ACOT9: variants seen among roughly 807,000 people sequenced by gnomAD.
The protein encoded by ACOT9 is acyl-coenzyme A thioesterase 9, mitochondrial.
In ACOT9, 34 loss-of-function variants were observed where a neutral mutation model predicts 39.7. The ratio of observed to expected loss-of-function variants is 0.86; its 90% CI spans 0.65 to 1.14. The LOEUF is 1.14. Ranked by LOEUF, ACOT9 falls within the 50% of genes most tolerant of loss-of-function variation. The probability of loss-of-function intolerance (pLI) is 0.00; values close to 1 mark genes in which losing one functional copy is unlikely to be tolerated. For synonymous variants in ACOT9, 110 were observed against 120.5 expected, an observed-to-expected ratio of 0.91 and a Z score of 0.57; for missense variants, 313 against 344.1, an observed-to-expected ratio of 0.91 and a Z score of 0.71.
chrX:23,722,021 C>T, intron 7 of ACOT9, 37 bp from the exon 8 acceptor site: 1 of 997,760 alleles, frequency 1.0e-6, no homozygotes. Context: ...CAAGTCATAC[C>T]AAAAATTTTC....
intron 8 of ACOT9, among the ~76,000 whole-genome samples, chrX:23,715,598 G>A (rs2146826576): frequency 9.0e-6 from 1 of 111,490 alleles, no homozygotes; most frequent in Non-Finnish European, 1.9e-5. Context: ...CAATGCAGGG[G>A]ATAGACCTGC....
Position 23,707,918 on chromosome X carries a change from G to A in ACOT9, c.689C>T (p.Pro230Leu). 2 of 1,203,876 alleles carry A rather than the reference G, an allele frequency of 1.7e-6. No individual in the cohort carries two copies. The highest frequency in any genetic ancestry group is 1.1e-6 in the Non-Finnish European group (1 of 891,469). Reference protein sequence around the residue: ...KGPAFVNPLIPESPEEEELFR... With the variant: ...KGPAFVNPLILESPEEEELFR... ...GAGCTCCTCTTCCTCTGGGCTTTCA[G>A]GGATGAGTGGATTTACAAATGCCGG... The change falls in exon 10 of 16, where the codon CCT (proline) becomes CTT (leucine). Residue 230 changes from proline (P) to leucine (L), a missense_variant. By Grantham distance (98) the Pro-to-Leu change is moderately conservative (BLOSUM62 -3). Coordinates refer to ENST00000379303, the MANE Select transcript of ACOT9 (RefSeq NM_001037171.2).
At chrX:23,704,550 G>A (rs1374160356) in intron 15 of ACOT9, 144 bp downstream of exon 15, 15 of 706,394 alleles carry the variant, frequency 2.1e-5, no homozygotes, top group Non-Finnish European at 2.9e-5. Flanking sequence ...TTGGCCTTCA[G>A]GGCTGCCAAA....
intron 2 of ACOT9, among the ~76,000 whole-genome samples, chrX:23,735,131 G>A (rs1347622281): frequency 9.6e-6 from 1 of 104,035 alleles, no homozygotes; most frequent in African/African-American, 3.5e-5. Context: ...AAATTAGTTG[G>A]GCGTGGTGGA....
At chrX:23,723,735 G>A (rs1342894045) in intron 6 of ACOT9, among the ~76,000 whole-genome samples, 4 of 110,780 alleles carry the variant, frequency 3.6e-5, no homozygotes, top group African/African-American at 1.3e-4. Context: ...TTGAGTAAGT[G>A]TAAATCCTTC....
At chrX:23,726,157 G>A (rs1241498783) in intron 6 of ACOT9, among the ~76,000 whole-genome samples, 2 of 110,766 alleles carry the variant, frequency 1.8e-5, no homozygotes, top group African/African-American at 3.3e-5. Flanking sequence ...CTGAGATAGC[G>A]CCATTGCACT....
chrX:23,704,024 C>G, intron 15 of ACOT9, 42 bp from the exon 16 acceptor site: 1 of 1,053,747 alleles, frequency 9.5e-7, no homozygotes, highest in Non-Finnish European at 1.3e-6. Context: ...CTTGTAATAC[C>G]GTAGAAAACC....
At chrX:23,741,774 G>A (rs142104117) in intron 1 of ACOT9, among the ~76,000 whole-genome samples, 4,685 of 75,597 alleles carry the variant, frequency 0.062, 95 homozygotes, top group Middle Eastern at 0.083. Flanking sequence ...TTCCGGTTCA[G>A]GCGATTCTCC....
rs1330240709 is a variant in ACOT9, at chrX:23,707,882, C to G, written c.725G>C (p.Gly242Ala). Residue 242 changes from glycine (G) to alanine (A), a missense_variant, in exon 10 of 16, where the codon GGG (glycine) becomes GCG (alanine). Gly to Ala is a moderately conservative substitution (Grantham distance 60, BLOSUM62 0). Transcript: ENST00000379303. ...SPEEEELFRQGELNKGRRIAF... is the reference protein window; with the variant it reads ...SPEEEELFRQAELNKGRRIAF... ...TTATAAACAAATTAATGTACATTCC[C>G]CTTGTCTAAAGAGCTCCTCTTCCTC... 3.4e-6 allele frequency: 4 copies of G among 1,191,014 alleles called. No individual in the cohort carries two copies. Among genetic ancestry groups the G allele is most frequent in the Non-Finnish European group, 4.5e-6 (4 of 883,171 alleles).
intron 4 of ACOT9, among the ~76,000 whole-genome samples, chrX:23,731,886 G>A (rs1384718983): frequency 8.9e-6 from 1 of 112,062 alleles, no homozygotes; most frequent in African/African-American, 3.2e-5. Flanking sequence ...AAAGAGAAAA[G>A]AAAGACAAGG....
chrX:23,701,283 C>G lies in ACOT9; in HGVS notation c.*2611G>C, dbSNP rs1002828390. ...ATGTCATAGGTAGATATGCAAAATG[C>G]TATATTGAAGGGCCAGGTAAATCTC... On this transcript the variant is annotated 3_prime_UTR_variant, in exon 16 of 16. Coordinates refer to ENST00000379303, the MANE Select transcript of ACOT9 (RefSeq NM_001037171.2). 4.5e-5 allele frequency among the ~76,000 whole-genome samples: 5 copies of G among 111,004 alleles called. No individual in the cohort carries two copies. In the Admixed American group the frequency reaches 4.9e-4, roughly 11 times the overall value.
At chrX:23,714,206 T>A (rs1929001913) in intron 8 of ACOT9, among the ~76,000 whole-genome samples, 1 of 111,025 alleles carries the variant, frequency 9.0e-6, no homozygotes, top group Admixed American at 9.7e-5. Flanking sequence ...GGCGTGCCTG[T>A]CCTCCTGATG....
At chrX:23,704,518 C>A in intron 15 of ACOT9, among the ~76,000 whole-genome samples, 176 bp downstream of exon 15, 1 of 110,338 alleles carries the variant, frequency 9.1e-6, no homozygotes, top group Non-Finnish European at 1.9e-5. Context: ...GTTGCTTGCC[C>A]GCCTGGGGGC....
intron 6 of ACOT9, among the ~76,000 whole-genome samples, chrX:23,728,330 A>T (rs759114582): frequency 9.1e-6 from 1 of 110,383 alleles, no homozygotes; most frequent in East Asian, 2.9e-4. Context: ...CACAATGAAG[A>T]GGGTGAGCCT....
rs796728664 is a variant in ACOT9, at chrX:23,733,672, G to A, written c.146-455C>T. 9.9e-5 allele frequency among the ~76,000 whole-genome samples: 11 copies of A among 111,529 alleles called. No homozygotes were observed. In the South Asian group the frequency reaches 1.5e-3, roughly 15 times the overall value. ...CGGCTCACTGCATCCTCCACCTCCC[G>A]GGTTCAGGCGATTCTCCTGCCTCAG... is the stretch of plus-strand genomic sequence containing the variant. On this transcript the variant is annotated intron_variant, in intron 3 of 15. Coordinates refer to ENST00000379303, the MANE Select transcript of ACOT9 (RefSeq NM_001037171.2).
chrX:23,739,609 T>A (rs1344865173), intron 1 of ACOT9, among the ~76,000 whole-genome samples: 1 of 110,982 alleles, frequency 9.0e-6, no homozygotes, highest in Non-Finnish European at 1.9e-5. Flanking sequence ...GTGGGCAACA[T>A]AGGGAGATCC....
At position 23,701,916 on chromosome X, in the gene ACOT9, T is replaced by C. The variant is rs947152438; in HGVS notation, c.*1978A>G. ...GGTGAAACCGCCTTTCTACTAAAAA[T>C]ACAAAAACTAGCCAGGCATGGGGGC... On this transcript the variant is annotated 3_prime_UTR_variant, in exon 16 of 16. Transcript: ENST00000379303. 2.1e-4 allele frequency among the ~76,000 whole-genome samples: 23 copies of C among 110,578 alleles called. No individual in the cohort carries two copies. The Admixed American group carries it at 2.2e-3, about 11-fold the overall frequency.
chrX:23,741,747 T>A (rs772050320), intron 1 of ACOT9, among the ~76,000 whole-genome samples: 1 of 110,307 alleles, frequency 9.1e-6, no homozygotes, highest in Non-Finnish European at 1.9e-5. Context: ...CGATCTCAGC[T>A]CACTGCAACC....
At chrX:23,732,232 A>G (rs1929782070) in intron 4 of ACOT9, among the ~76,000 whole-genome samples, 1 of 112,790 alleles carries the variant, frequency 8.9e-6, no homozygotes, top group Admixed American at 9.5e-5. Context: ...TTTTGTTAAA[A>G]GGAGTAATCT....
Sources: allele counts gnomAD v4.1 joint callset (sites outside exome capture counted in the v4.1 genomes callset), GRCh38; gene constraint gnomAD v4.1.1; transcripts MANE v1.5; gene names NCBI Gene and HGNC (gene_info 2026-07-23, HGNC 2026-07-21).